The following GID4 variants were observed in gnomAD, a reference collection of about 807,000 sequenced individuals.
GID4 encodes the protein glucose-induced degradation protein 4 homolog.
A neutral mutation model predicts 32.4 loss-of-function variants in GID4; 7 were observed. The observed-to-expected ratio is 0.22, with a 90% CI of 0.12 to 0.41. GID4 has a LOEUF of 0.41. Among genes scored for constraint, GID4 ranks in the 10% least tolerant of loss-of-function variants. The pLI is 1.00. For synonymous variants in GID4, 166 were observed against 170.0 expected, an observed-to-expected ratio of 0.98 and a Z score of 0.18; for missense variants, 309 against 400.0, an observed-to-expected ratio of 0.77 and a Z score of 1.94.
At position 18,066,360 on chromosome 17, in the gene GID4, G is replaced by A. The variant is rs191572116; in HGVS notation, c.*1117G>A. On this transcript the variant is annotated 3_prime_UTR_variant, in exon 6 of 6. Transcript: ENST00000268719. The stretch of plus-strand genomic sequence containing the variant: ...CTTCCATGAGGCAGAAGGGGTCGTC[G>A]TTCTCTGAAAACAGTGACTCTGAAA... The A allele has an allele frequency of 1.7e-4, 26 of 152,322 alleles. No individual in the cohort carries two copies. The highest frequency in any genetic ancestry group is 1.5e-5 in the Non-Finnish European group (1 of 68,006). The allele number at this position is 152,322 out of a possible 1,614,324, so 9.4% of individuals were successfully genotyped here.
intron 1 of GID4, among the ~76,000 whole-genome samples, chr17:18,040,816 T>C (rs2044791869): frequency 6.6e-6 from 1 of 152,224 alleles, no homozygotes; most frequent in Non-Finnish European, 1.5e-5. Context: ...GGTACCCATG[T>C]ACTGGGAAAT....
At chr17:18,040,169 C>A (rs982947644) in intron 1 of GID4, among the ~76,000 whole-genome samples, 2 of 152,188 alleles carry the variant, frequency 1.3e-5, no homozygotes, top group African/African-American at 4.8e-5. Flanking sequence ...GTGACCGGCC[C>A]GTCTGGGATC....
At chr17:18,060,082 C>T (rs2045004951) in intron 4 of GID4, among the ~76,000 whole-genome samples, 1 of 71,268 alleles carries the variant, frequency 1.4e-5, no homozygotes, top group African/African-American at 5.8e-5. Context: ...AAGACTCCAT[C>T]TCAAAAAAAA....
At position 18,039,424 on chromosome 17, in the gene GID4, GTGTT is replaced by G. The variant is rs2044758966; in HGVS notation, c.-37_-34del. On this transcript the variant is annotated 5_prime_UTR_variant, in exon 1 of 6. Coordinates refer to ENST00000268719, the MANE Select transcript of GID4 (RefSeq NM_024052.5). This position sits in a 1 kb window ranked among gnomAD's most constrained non-coding sequence, Gnocchi z 5.3. ...GGGCGGGGTGTGTGTGTGTCTGTGT[GTGTT>G]TGTGTGTTGTGTGTCTGTGAGTGTC... is the stretch of plus-strand genomic sequence containing the variant. 30 of 1,305,894 alleles carry G rather than the reference GTGTT, an allele frequency of 2.3e-5. No individual in the cohort carries two copies. The highest frequency in any genetic ancestry group is 3.0e-5 in the Non-Finnish European group (30 of 990,022). 80.9% of individuals were successfully genotyped at this position (1,305,894 alleles called of 1,614,324 possible). A position where few individuals can be genotyped will look rare whatever the true frequency, so the allele number is the denominator to read the frequency against.
At chr17:18,053,227 G>A (rs2044931368) in intron 2 of GID4, among the ~76,000 whole-genome samples, 1 of 149,200 alleles carries the variant, frequency 6.7e-6, no homozygotes, top group Admixed American at 6.6e-5. Context: ...TGGTCAGGTT[G>A]GTCTTGAACT....
Position 18,039,526 on chromosome 17 carries a change from A to C in GID4, c.62A>C (p.Gln21Pro). The stretch of plus-strand genomic sequence containing the variant: ...CTCAGGACTGGGAGGCCCTGCTCGC[A>C]GGTCCCTGGGTCCCGGTGGCGGCCG... ...TQLRTGRPCS[Q>P]VPGSRWRPER... Residue 21 changes from glutamine to proline, a missense_variant, in exon 1 of 6, where the codon CAG becomes CCG. Gln to Pro is a moderately conservative substitution (Grantham distance 76). This residue lies in a region of GID4 where 193 missense variants were observed against 185.8 expected (regional missense o/e 1.04). Coordinates refer to ENST00000268719, the MANE Select transcript of GID4 (RefSeq NM_024052.5). The surrounding 1 kb of genome is among the most constrained non-coding windows in gnomAD (Gnocchi z 5.3). The C allele has an allele frequency of 7.6e-7, 1 of 1,309,494 alleles. No individual in the cohort carries two copies. The highest frequency in any genetic ancestry group is 3.1e-5 in the East Asian group (1 of 32,118). The allele number at this position is 1,309,494 out of a possible 1,614,324, so 81.1% of individuals were successfully genotyped here. A position where few individuals can be genotyped will look rare whatever the true frequency, so the allele number is the denominator to read the frequency against.
Position 18,050,443 on chromosome 17 carries a change from C to A in GID4, c.499-3684C>A, listed in dbSNP as rs1003856498. Among the ~76,000 whole-genome samples, 3 of 152,190 alleles carry A rather than the reference C, an allele frequency of 2.0e-5. No individual in the cohort carries two copies. The South Asian group carries it at 6.2e-4, about 32-fold the overall frequency. ...AAGAGAGGCGACCTTTCCGGGGAAC[C>A]CAGCAGCTTTCAGGGGTTACCTGGG... On this transcript the variant is annotated intron_variant, in intron 2 of 5. Coordinates refer to ENST00000268719, the MANE Select transcript of GID4 (RefSeq NM_024052.5).
rs1567583256 is a variant in GID4, at chr17:18,040,445, C to T, written c.438+543C>T. On this transcript the variant is annotated intron_variant, in intron 1 of 5. Coordinates refer to ENST00000268719, the MANE Select transcript of GID4 (RefSeq NM_024052.5). ...ATCTCCTTAGGAGGGCTTCATCAGACCCCCAGACGGGGGAGCACCTAACCC... is the reference window on the plus strand; with the variant it reads ...ATCTCCTTAGGAGGGCTTCATCAGATCCCCAGACGGGGGAGCACCTAACCC... 2.0e-5 allele frequency among the ~76,000 whole-genome samples: 3 copies of T among 150,592 alleles called. No individual in the cohort carries two copies. The South Asian group carries it at 6.2e-4, about 31-fold the overall frequency.
intron 3 of GID4, among the ~76,000 whole-genome samples, chr17:18,054,608 T>C (rs2044946561): frequency 6.6e-6 from 1 of 152,112 alleles, no homozygotes; most frequent in Non-Finnish European, 1.5e-5. Context: ...AATGATGACC[T>C]CCGGCTTCGG....
chr17:18,057,037 A>G, intron 3 of GID4: 2 of 1,541,474 alleles, frequency 1.3e-6, no homozygotes, highest in South Asian at 2.4e-5. Flanking sequence ...AATCAGAGAT[A>G]TTGTATTGCA....
At chr17:18,055,481 A>C (rs1301355357) in intron 3 of GID4, among the ~76,000 whole-genome samples, 2 of 151,960 alleles carry the variant, frequency 1.3e-5, no homozygotes, top group Admixed American at 6.6e-5. Context: ...TTATTTGTTT[A>C]TTTTATTTAA....
intron 3 of GID4, among the ~76,000 whole-genome samples, chr17:18,055,323 C>T (rs1484662720): frequency 6.6e-6 from 1 of 152,132 alleles, no homozygotes; most frequent in Non-Finnish European, 1.5e-5. Context: ...AGCAAAGATT[C>T]TAGAACTCGT....
intron 3 of GID4, chr17:18,056,733 C>A: frequency 6.4e-7 from 1 of 1,550,600 alleles, no homozygotes; most frequent in Non-Finnish European, 8.7e-7. Flanking sequence ...TCTGCAGACT[C>A]TGCTAGACTG....
chr17:18,056,859 G>A, intron 3 of GID4: 1 of 1,550,598 alleles, frequency 6.4e-7, no homozygotes, highest in Non-Finnish European at 8.7e-7. Context: ...CCAACAGTTT[G>A]TGGCTGCTTT....
intron 2 of GID4, 85 bp downstream of exon 2, chr17:18,045,291 ACTCC>A: frequency 1.0e-6 from 1 of 979,598 alleles, no homozygotes; most frequent in Non-Finnish European, 1.6e-6. Flanking sequence ...GGCGGTCTCA[ACTCC>A]TTGAGGCCTA....
At position 18,066,273 on chromosome 17, in the gene GID4, G is replaced by C. The variant is rs1283356826; in HGVS notation, c.*1030G>C. Reference sequence around the variant, plus strand: ...TGCTCAACACAAGAACTGTTTTTGGGGCCAGTTTAGCATTTGTGCCGCCTC... The same window carrying C: ...TGCTCAACACAAGAACTGTTTTTGGCGCCAGTTTAGCATTTGTGCCGCCTC... On this transcript the variant is annotated 3_prime_UTR_variant, in exon 6 of 6. Coordinates refer to ENST00000268719, the MANE Select transcript of GID4 (RefSeq NM_024052.5). 6.6e-6 allele frequency: 1 copy of C among 152,502 alleles called. No homozygotes were observed. Among genetic ancestry groups the C allele is most frequent in the East Asian group, 1.9e-4 (1 of 5,202 alleles). 9.4% of individuals were successfully genotyped at this position (152,502 alleles called of 1,614,324 possible).
chr17:18,039,667 C>T lies in GID4; in HGVS notation c.203C>T (p.Ala68Val). The change falls in exon 1 of 6, where the codon GCG becomes GTG. Residue 68 changes from alanine to valine, a missense_variant. Ala to Val is a moderately conservative substitution (Grantham distance 64). Coordinates refer to ENST00000268719, the MANE Select transcript of GID4 (RefSeq NM_024052.5). This position sits in a 1 kb window ranked among gnomAD's most constrained non-coding sequence, Gnocchi z 5.3. ...ATLLGSRAAA[A>V]VPLPLPPALA... ...CTCCTCGGCTCCCGCGCGGCGGCGGCGGTTCCTCTCCCACTCCCCCCAGCC... is the reference window on the plus strand; with the variant it reads ...CTCCTCGGCTCCCGCGCGGCGGCGGTGGTTCCTCTCCCACTCCCCCCAGCC... The T allele has an allele frequency of 2.3e-6, 3 of 1,277,342 alleles. No individual in the cohort carries two copies. Among genetic ancestry groups the T allele is most frequent in the South Asian group, 1.8e-5 (1 of 55,416 alleles). The allele number at this position is 1,277,342 out of a possible 1,614,324, so 79.1% of individuals were successfully genotyped here. A position where few individuals can be genotyped will look rare whatever the true frequency, so the allele number is the denominator to read the frequency against.
At position 18,058,918 on chromosome 17, in the gene GID4, CTT is replaced by C; in HGVS notation, c.659_660del (p.Phe220Ter). On this transcript the variant is annotated frameshift_variant, in exon 4 of 6. Transcript: ENST00000268719. LOFTEE classifies it high-confidence loss of function. ...QYAKSFNSDD[F>X]DYEELKNGDY... ...ATGCAAAATCATTTAACTCAGATGA[CTT>C]TGATTATGAAGAGCTGAAGAATGGA... The C allele has an allele frequency of 6.2e-7, 1 of 1,613,472 alleles. No homozygotes were observed. The highest frequency in any genetic ancestry group is 8.5e-7 in the Non-Finnish European group (1 of 1,179,500).
chr17:18,044,419 A>G (rs1457793132), intron 1 of GID4, among the ~76,000 whole-genome samples: 1 of 152,190 alleles, frequency 6.6e-6, no homozygotes, highest in Non-Finnish European at 1.5e-5. Context: ...GCAACCAGTA[A>G]TTGGTGACTG....
Sources: gnomAD v4.1 joint callset for allele counts (sites outside exome capture counted in the v4.1 genomes callset) on GRCh38, gnomAD v4.1.1 for gene constraint, gnomAD v4.1.1 regional missense constraint, Gnocchi (gnomAD v3.1) non-coding constraint, MANE v1.5 for transcripts, NCBI Gene and HGNC (gene_info 2026-07-23, HGNC 2026-07-21) for gene names.